The following CEP350 variants were observed in gnomAD, a reference collection of about 807,000 sequenced individuals.
CEP350 encodes the protein centrosomal protein 350, also known as centrosome-associated protein 350.
In CEP350, 126 loss-of-function variants were observed where a neutral mutation model predicts 331.8. That is an observed-to-expected ratio of 0.38 (90% CI 0.33 to 0.44). The LOEUF (loss-of-function observed/expected upper bound fraction) is 0.44, where lower values mean the gene tolerates loss of function less well. CEP350 is among the 20% of genes least tolerant of loss of function. CEP350 has a pLI of 1.00. For synonymous variants in CEP350, 1,200 were observed against 1,259.5 expected, an observed-to-expected ratio of 0.95 and a Z score of 1.00; for missense variants, 3,406 against 3,634.6, an observed-to-expected ratio of 0.94 and a Z score of 1.62.
intron 1 of CEP350, among the ~76,000 whole-genome samples, chr1:179,974,917 C>T (rs769010127): frequency 1.1e-4 from 16 of 151,726 alleles, no homozygotes; most frequent in Non-Finnish European, 1.5e-4. Flanking sequence ...CTTGAGCCCA[C>T]GAGTTTCAGG....
At chr1:180,095,416 A>G in intron 34 of CEP350, 107 bp from the exon 35 acceptor site, 1 of 1,263,388 alleles carries the variant, frequency 7.9e-7, no homozygotes, top group Non-Finnish European at 1.1e-6. Context: ...GCTTACTTAT[A>G]GAGAAATATT....
At chr1:179,986,784 A>G (rs1051840290) in intron 2 of CEP350, among the ~76,000 whole-genome samples, 1 of 152,202 alleles carries the variant, frequency 6.6e-6, no homozygotes, top group African/African-American at 2.4e-5. Flanking sequence ...ACACGACCTT[A>G]AACTATTTGA....
At chr1:180,023,294 A>G (rs1466667701) in intron 13 of CEP350, among the ~76,000 whole-genome samples, 1 of 152,072 alleles carries the variant, frequency 6.6e-6, no homozygotes, top group Admixed American at 6.6e-5. Context: ...AAAAAAAATC[A>G]CTTACTTAGA....
intron 21 of CEP350, among the ~76,000 whole-genome samples, chr1:180,044,982 T>A (rs978360772): frequency 1.3e-5 from 2 of 152,012 alleles, no homozygotes; most frequent in African/African-American, 4.8e-5. Context: ...TCAAAGGCTG[T>A]GTTTATTGCA....
intron 34 of CEP350, chr1:180,095,145 A>G (rs1660410100): frequency 5.5e-6 from 1 of 182,648 alleles, no homozygotes; most frequent in African/African-American, 2.4e-5. Flanking sequence ...TTGCCCATGG[A>G]CAGTTGAGCA....
intron 25 of CEP350, among the ~76,000 whole-genome samples, chr1:180,055,727 T>C (rs986871708): frequency 6.6e-6 from 1 of 151,958 alleles, no homozygotes; most frequent in Non-Finnish European, 1.5e-5. Context: ...TTTGTATTTT[T>C]AGTAGAGACG....
intron 1 of CEP350, 147 bp from the exon 2 acceptor site, chr1:179,986,022 A>G (rs1249625899): frequency 8.4e-6 from 5 of 594,590 alleles, no homozygotes; most frequent in Non-Finnish European, 1.2e-5. Context: ...GCCAGCTGTT[A>G]TTATTTTGTG....
chr1:179,970,827 A>G (rs1279608938), intron 1 of CEP350, among the ~76,000 whole-genome samples: 2 of 152,218 alleles, frequency 1.3e-5, no homozygotes, highest in Non-Finnish European at 2.9e-5. Context: ...TACACACCAC[A>G]GGTATAGATC....
At chr1:180,069,198 A>C (rs771872859) in intron 27 of CEP350, among the ~76,000 whole-genome samples, 1 of 152,156 alleles carries the variant, frequency 6.6e-6, no homozygotes, top group Non-Finnish European at 1.5e-5. Context: ...CATTTTAAAT[A>C]CTCCTTTTAC....
intron 1 of CEP350, chr1:179,969,431 T>C (rs75165378): frequency 4.0e-6 from 2 of 501,850 alleles, no homozygotes; most frequent in East Asian, 5.6e-5. Context: ...TACTAAAGAC[T>C]GGAGTGCTCA....
At position 180,037,044 on chromosome 1, in the gene CEP350, T is replaced by G. The variant is rs541836044; in HGVS notation, c.4065T>G (p.Ile1355Met). Residue 1355 changes from isoleucine to methionine, a missense_variant, in exon 17 of 38, where the codon ATT becomes ATG. Coordinates refer to ENST00000367607, the MANE Select transcript of CEP350 (RefSeq NM_014810.5). ...CAGATGTAGAAAGAGTTAGAGGCAT[T>G]TCACTTGCTCAGCAGGAGAGTGTGT... ...QLSDVERVRG[I>M]SLAQQESVSL... 5.7e-5 allele frequency: 91 copies of G among 1,605,822 alleles called. No homozygotes were observed. The South Asian group carries it at 1.0e-3, about 18-fold the overall frequency.
intron 9 of CEP350, 124 bp downstream of exon 9, chr1:180,012,199 A>G (rs1237889982): frequency 2.4e-6 from 2 of 830,664 alleles, no homozygotes; most frequent in East Asian, 2.9e-5. Flanking sequence ...ATGTAGCTCA[A>G]AAAAGAAAAA....
chr1:180,057,707 A>G (rs1050538752), intron 25 of CEP350, among the ~76,000 whole-genome samples: 11 of 152,204 alleles, frequency 7.2e-5, no homozygotes, highest in African/African-American at 2.4e-4. Flanking sequence ...AGAGTTATCA[A>G]CTGTTCATCT....
chr1:179,990,975 G>C (rs1282813882), intron 4 of CEP350, among the ~76,000 whole-genome samples: 1 of 151,910 alleles, frequency 6.6e-6, no homozygotes, highest in Non-Finnish European at 1.5e-5. Context: ...TTTGATATTT[G>C]GTAGCTATGA....
chr1:180,077,671 T>TAAAAAAAAAAAAAA (rs3067269), intron 28 of CEP350, among the ~76,000 whole-genome samples: 6 of 97,224 alleles, frequency 6.2e-5, no homozygotes, highest in Non-Finnish European at 5.5e-5. Flanking sequence ...TCTCAAAAAG[T>TAAAAAAAAAAAAAA]AAAAAAAAAA....
In CEP350 at chr1:179,996,754, T is replaced by C. The variant is rs771042782; in HGVS notation, c.597T>C (p.Asp199=). 1 of 1,613,602 alleles carries C rather than the reference T, an allele frequency of 6.2e-7. No individual in the cohort carries two copies. Among genetic ancestry groups the C allele is most frequent in the South Asian group, 1.1e-5 (1 of 91,022 alleles). ...INDTVVRFLN[D]RPAIDALQNS... ...ATACAGTTGTTAGGTTTTTAAATGA[T>C]CGACCAGCAATTGATGCATTGCAAA... Residue 199 remains aspartate (D), a synonymous_variant, in exon 6 of 38, where the codon GAT becomes GAC. Transcript: ENST00000367607.
intron 1 of CEP350, chr1:179,968,569 A>G (rs538225436): frequency 6.6e-5 from 22 of 330,904 alleles, no homozygotes; most frequent in African/African-American, 4.7e-4. Flanking sequence ...TTGAACGTGG[A>G]AGGAGACTTT....
In CEP350 at chr1:179,964,347, C is replaced by T. The variant is rs72710608; in HGVS notation, c.-14+9205C>T. ...GGAAAGTATTATGTTGAATAGGAGT[C>T]GTAAGAGTGCACATCCTTGTCTTTT... On this transcript the variant is annotated intron_variant, in intron 1 of 37. Transcript: ENST00000367607. Among the ~76,000 whole-genome samples, 568 of 151,998 alleles carry T rather than the reference C, an allele frequency of 3.7e-3. 3 individuals carry two copies. The highest frequency in any genetic ancestry group is 5.3e-3 in the Admixed American group (81 of 15,282).
rs1659304050 is a variant in CEP350 at position 180,077,563 on chromosome 1, GGGCAGAGGCA to G, written c.5768-897_5768-888del. 2.0e-5 allele frequency among the ~76,000 whole-genome samples: 3 copies of G among 149,994 alleles called. No homozygotes were observed. The Admixed American group carries it at 2.0e-4, about 10-fold the overall frequency. The stretch of plus-strand genomic sequence containing the variant: ...AGGCCTGTAGTCCCAGCTACTTAGG[GGGCAGAGGCA>G]GGAGGATTGCTTGTTCCTGGGAGGT... On this transcript the variant is annotated intron_variant, in intron 28 of 37. Coordinates refer to ENST00000367607, the MANE Select transcript of CEP350 (RefSeq NM_014810.5).
Sources: gnomAD v4.1 joint callset for allele counts (sites outside exome capture counted in the v4.1 genomes callset) on GRCh38, gnomAD v4.1.1 for gene constraint, MANE v1.5 for transcripts, NCBI Gene and HGNC (gene_info 2026-07-23, HGNC 2026-07-21) for gene names.